TSNARE1: variants seen among roughly 807,000 people sequenced by gnomAD.
TSNARE1 encodes t-SNARE domain-containing protein 1.
In TSNARE1, 49 loss-of-function variants were observed where a neutral mutation model predicts 62.0. The observed-to-expected ratio is 0.79, with a 90% CI of 0.63 to 1.00. The LOEUF (loss-of-function observed/expected upper bound fraction) is 1.00, where lower values mean the gene tolerates loss of function less well. TSNARE1 is among the 50% of genes least tolerant of loss of function. The pLI is 0.00. For synonymous variants in TSNARE1, 328 were observed against 294.4 expected, an observed-to-expected ratio of 1.11 and a Z score of -1.17; for missense variants, 755 against 700.1, an observed-to-expected ratio of 1.08 and a Z score of -0.88.
chr8:142,252,573 G>A (rs922777685), intron 12 of TSNARE1, among the ~76,000 whole-genome samples: 2 of 152,338 alleles, frequency 1.3e-5, no homozygotes, highest in East Asian at 3.9e-4. Context: ...AGCTCCAGGC[G>A]AGGAAGAAAT....
intron 13 of TSNARE1, among the ~76,000 whole-genome samples, chr8:142,218,190 GA>G (rs1816027089): frequency 1.1e-4 from 16 of 150,252 alleles, no homozygotes; most frequent in South Asian, 2.1e-4. Context: ...CCAGGATCAG[GA>G]CTCAGAGTGT....
At chr8:142,370,848 C>CA (rs57904767) in intron 1 of TSNARE1, among the ~76,000 whole-genome samples, 24,535 of 130,984 alleles carry the variant, frequency 0.19, 2,133 homozygotes, top group East Asian at 0.31. Context: ...AAACAAAAAA[C>CA]AAAAAAAAAA....
intron 9 of TSNARE1, among the ~76,000 whole-genome samples, chr8:142,306,445 C>T (rs900198728): frequency 1.3e-5 from 2 of 152,356 alleles, no homozygotes; most frequent in Admixed American, 1.3e-4. Context: ...TGATGCTGCC[C>T]CAGGGACTGG....
intron 13 of TSNARE1, among the ~76,000 whole-genome samples, chr8:142,214,938 A>T (rs1023760197): frequency 9.9e-5 from 15 of 152,178 alleles, no homozygotes; most frequent in Non-Finnish European, 2.1e-4. Flanking sequence ...GTGCTTGGTT[A>T]CAGCAGCTGA....
chr8:142,286,367 T>A (rs1822744237), intron 10 of TSNARE1, among the ~76,000 whole-genome samples: 1 of 152,214 alleles, frequency 6.6e-6, no homozygotes, highest in African/African-American at 2.4e-5. Context: ...TCATTTTCTC[T>A]TTAGGAGTAT....
chr8:142,362,200 G>C (rs1587016027), intron 1 of TSNARE1, among the ~76,000 whole-genome samples: 1 of 152,206 alleles, frequency 6.6e-6, no homozygotes, highest in Non-Finnish European at 1.5e-5. Context: ...GGAAAAGTGA[G>C]CACCTTGTCT....
At position 142,345,824 on chromosome 8, in the gene TSNARE1, G is replaced by A. The variant is rs1276150478; in HGVS notation, c.157C>T (p.Gln53Ter). 7 of 1,613,838 alleles carry A rather than the reference G, an allele frequency of 4.3e-6. No homozygotes were observed. Among genetic ancestry groups the A allele is most frequent in the Non-Finnish European group, 5.9e-6 (7 of 1,179,930 alleles). Reference protein sequence around the residue: ...FPCPSPESKLQNRCVGKDGEG... With the variant: ...FPCPSPESKL Reference sequence around the variant, plus strand: ...CCGTCCTTCCCCACACAGCGGTTCTGCAGCTTGCTCTCTGGCGACGGGCAG... The same window carrying A: ...CCGTCCTTCCCCACACAGCGGTTCTACAGCTTGCTCTCTGGCGACGGGCAG... Residue 53 changes from glutamine to a stop codon, truncating the protein, a stop_gained, in exon 3 of 14, where the codon CAG (glutamine) becomes TAG (stop). Coordinates refer to ENST00000524325, the MANE Select transcript of TSNARE1 (RefSeq NM_145003.5). LOFTEE classifies it high-confidence loss of function.
chr8:142,357,342 C>G (rs544113290), intron 1 of TSNARE1, among the ~76,000 whole-genome samples: 1 of 152,302 alleles, frequency 6.6e-6, no homozygotes, highest in African/African-American at 2.4e-5. Context: ...TCCAGCAGTC[C>G]CAAGGAAGCG....
chr8:142,305,396 C>T (rs899874281), intron 9 of TSNARE1, among the ~76,000 whole-genome samples: 8 of 152,084 alleles, frequency 5.3e-5, no homozygotes, highest in Non-Finnish European at 1.0e-4. Flanking sequence ...CCCAGGAAAG[C>T]GGCCAGGCTG....
intron 1 of TSNARE1, among the ~76,000 whole-genome samples, chr8:142,367,555 A>C (rs1835644702): frequency 6.6e-6 from 1 of 152,248 alleles, no homozygotes; most frequent in East Asian, 1.9e-4. Flanking sequence ...AGTGACTGCT[A>C]ATATATGTGG....
At chr8:142,231,187 C>G (rs1817099925) in intron 12 of TSNARE1, among the ~76,000 whole-genome samples, 1 of 152,260 alleles carries the variant, frequency 6.6e-6, no homozygotes, top group African/African-American at 2.4e-5. Flanking sequence ...GACCCACATA[C>G]TGGCCTGAAA....
At chr8:142,354,530 CA>C in intron 2 of TSNARE1, 106 bp downstream of exon 2, 1 of 778,632 alleles carries the variant, frequency 1.3e-6, no homozygotes. Context: ...CCACTTTCCT[CA>C]AAAGAACAGA....
chr8:142,305,633 G>T (rs554230830), intron 9 of TSNARE1, among the ~76,000 whole-genome samples: 6 of 152,290 alleles, frequency 3.9e-5, no homozygotes, highest in African/African-American at 2.4e-5. Context: ...GGGTCCCTCC[G>T]CGGCCTCCTC....
chr8:142,403,905 C>T (rs1838491623), upstream of TSNARE1: 1 of 152,304 alleles, frequency 6.6e-6, no homozygotes, highest in Non-Finnish European at 1.5e-5. Flanking sequence ...GCCCCTCGCT[C>T]TCCCGGTGAC....
intron 12 of TSNARE1, chr8:142,270,762 C>T: frequency 1.0e-6 from 1 of 985,406 alleles, no homozygotes. Context: ...TCCAGGGACG[C>T]TGGGCTGCAG....
chr8:142,229,913 T>C (rs1475366028), intron 12 of TSNARE1, among the ~76,000 whole-genome samples: 1 of 152,126 alleles, frequency 6.6e-6, no homozygotes, highest in African/African-American at 2.4e-5. Context: ...CTTGGTACCT[T>C]AAATTATTTT....
At chr8:142,376,468 C>T (rs1273613160) in intron 1 of TSNARE1, among the ~76,000 whole-genome samples, 6 of 152,172 alleles carry the variant, frequency 3.9e-5, no homozygotes, top group Non-Finnish European at 5.9e-5. Flanking sequence ...GTCAAATGGA[C>T]CCCTGAGAGA....
intron 12 of TSNARE1, among the ~76,000 whole-genome samples, chr8:142,267,878 G>A (rs866000956): frequency 2.6e-5 from 4 of 152,194 alleles, no homozygotes; most frequent in African/African-American, 9.6e-5. Context: ...GGGATAGGTC[G>A]GCAACCCTCA....
chr8:142,246,591 C>CA (rs1281580537), intron 12 of TSNARE1, among the ~76,000 whole-genome samples: 1 of 152,186 alleles, frequency 6.6e-6, no homozygotes, highest in Non-Finnish European at 1.5e-5. Context: ...AGACGGGGTG[C>CA]AAACCTGGCT....
Sources: gnomAD v4.1 joint callset for allele counts (sites outside exome capture counted in the v4.1 genomes callset) on GRCh38, gnomAD v4.1.1 for gene constraint, MANE v1.5 for transcripts, NCBI Gene and HGNC (gene_info 2026-07-23, HGNC 2026-07-21) for gene names.